E2F3: variants seen among roughly 807,000 people sequenced by gnomAD.
The protein encoded by E2F3 is E2F transcription factor 3.
A neutral mutation model predicts 44.4 loss-of-function variants in E2F3; 11 were observed. That is an observed-to-expected ratio of 0.25 (90% CI 0.16 to 0.41). The LOEUF is 0.41. Among genes scored for constraint, E2F3 ranks in the 10% least tolerant of loss-of-function variants. The pLI is 1.00. For missense variants in E2F3, 487 were observed against 583.6 expected (o/e 0.83, Z 1.70); for synonymous variants, 249 against 253.0 (o/e 0.98, Z 0.15).
intron 1 of E2F3, among the ~76,000 whole-genome samples, chr6:20,444,882 C>G (rs1016173009): frequency 6.6e-6 from 1 of 152,216 alleles, no homozygotes. Context: ...ATGTGGACCT[C>G]TGGGCTTTGC....
intron 1 of E2F3, among the ~76,000 whole-genome samples, chr6:20,411,338 C>CG (rs1257565817): frequency 6.6e-6 from 1 of 152,006 alleles, no homozygotes; most frequent in Non-Finnish European, 1.5e-5. Flanking sequence ...CAAGGCAGGG[C>CG]GGGGGGTTGT....
At chr6:20,486,345 T>A (rs1395578208) in intron 4 of E2F3, among the ~76,000 whole-genome samples, 1 of 152,210 alleles carries the variant, frequency 6.6e-6, no homozygotes, top group African/African-American at 2.4e-5. Flanking sequence ...CGATCTCGTC[T>A]CACTGCAAGC....
intron 1 of E2F3, among the ~76,000 whole-genome samples, chr6:20,444,158 T>C (rs1760863149): frequency 6.6e-6 from 1 of 152,156 alleles, no homozygotes; most frequent in South Asian, 2.1e-4. Context: ...CTCTACACTC[T>C]AGCCTGGGCA....
At chr6:20,427,532 TA>T (rs1760255728) in intron 1 of E2F3, among the ~76,000 whole-genome samples, 2 of 152,102 alleles carry the variant, frequency 1.3e-5, no homozygotes, top group Admixed American at 1.3e-4. Context: ...ATTTGTCAAA[TA>T]AAAGTGATTT....
intron 1 of E2F3, among the ~76,000 whole-genome samples, chr6:20,433,273 A>C (rs1760465846): frequency 6.6e-6 from 1 of 152,200 alleles, no homozygotes; most frequent in Admixed American, 6.5e-5. Context: ...CACAATTGCC[A>C]AGTGCCTGTC....
intron 1 of E2F3, among the ~76,000 whole-genome samples, chr6:20,464,595 G>A (rs969393432): frequency 1.3e-5 from 2 of 152,182 alleles, no homozygotes; most frequent in African/African-American, 4.8e-5. Flanking sequence ...GTCAGCTTCT[G>A]CTCTACGCCC....
intron 1 of E2F3, among the ~76,000 whole-genome samples, chr6:20,404,710 T>C (rs886881545): frequency 6.9e-6 from 1 of 144,284 alleles, no homozygotes; most frequent in Non-Finnish European, 1.6e-5. Context: ...GTAGTCTTAG[T>C]CAAAGAAGCT....
At chr6:20,415,323 C>A (rs1264529786) in intron 1 of E2F3, among the ~76,000 whole-genome samples, 4 of 152,176 alleles carry the variant, frequency 2.6e-5, no homozygotes, top group East Asian at 3.8e-4. Flanking sequence ...ATGGAGGGGA[C>A]AAAGGAGGCT....
intron 1 of E2F3, among the ~76,000 whole-genome samples, chr6:20,465,647 T>C (rs1002377396): frequency 6.6e-6 from 1 of 152,256 alleles, no homozygotes; most frequent in African/African-American, 2.4e-5. Flanking sequence ...GTCATTCTTA[T>C]GCCTTTGCAT....
At chr6:20,411,077 A>G (rs573779662) in intron 1 of E2F3, among the ~76,000 whole-genome samples, 1 of 152,356 alleles carries the variant, frequency 6.6e-6, no homozygotes, top group South Asian at 2.1e-4. Flanking sequence ...TAAGCTGCCC[A>G]TTGACTTGGG....
intron 1 of E2F3, among the ~76,000 whole-genome samples, chr6:20,446,041 T>TG (rs1181623350): frequency 6.6e-6 from 1 of 152,158 alleles, no homozygotes; most frequent in Non-Finnish European, 1.5e-5. Flanking sequence ...TGCACAGCTT[T>TG]GGGGTGTGGG....
intron 1 of E2F3, chr6:20,403,947 G>T (rs1420534479): frequency 6.9e-6 from 4 of 579,002 alleles, no homozygotes; most frequent in Non-Finnish European, 1.2e-5. Context: ...GGAACGGGGG[G>T]TTGGGTGCTC....
intron 1 of E2F3, among the ~76,000 whole-genome samples, chr6:20,436,672 T>G (rs1024003367): frequency 3.9e-5 from 6 of 152,128 alleles, no homozygotes; most frequent in Non-Finnish European, 8.8e-5. Context: ...CCCTCCTCTC[T>G]TAAATGACCA....
intron 2 of E2F3, 117 bp from the exon 3 acceptor site, chr6:20,481,089 C>T (rs1164985626): frequency 1.1e-6 from 1 of 913,486 alleles, no homozygotes; most frequent in East Asian, 2.6e-5. Context: ...AGCCTTGCTT[C>T]AGATACTAAT....
intron 1 of E2F3, among the ~76,000 whole-genome samples, chr6:20,405,108 C>A (rs1200066331): frequency 6.6e-6 from 1 of 152,128 alleles, no homozygotes; most frequent in Admixed American, 6.5e-5. Flanking sequence ...TTTATTATAT[C>A]TAGTTCATTG....
chr6:20,472,147 C>T (rs1379840697), intron 1 of E2F3, among the ~76,000 whole-genome samples: 6 of 89,076 alleles, frequency 6.7e-5, no homozygotes, highest in Non-Finnish European at 1.8e-4. Flanking sequence ...GAATTTATTC[C>T]TTGGTTCATT....
intron 1 of E2F3, among the ~76,000 whole-genome samples, chr6:20,457,906 A>G (rs1052960164): frequency 6.6e-6 from 1 of 152,100 alleles, no homozygotes; most frequent in Non-Finnish European, 1.5e-5. Flanking sequence ...TTTTCATTGA[A>G]TTCAGTATTA....
At chr6:20,467,937 G>T (rs1761767239) in intron 1 of E2F3, among the ~76,000 whole-genome samples, 1 of 150,804 alleles carries the variant, frequency 6.6e-6, no homozygotes, top group Admixed American at 6.6e-5. Context: ...AGGAATCAAA[G>T]GTTTCTCACC....
At chr6:20,425,955 C>T (rs1760202060) in intron 1 of E2F3, among the ~76,000 whole-genome samples, 1 of 152,168 alleles carries the variant, frequency 6.6e-6, no homozygotes, top group Admixed American at 6.5e-5. Flanking sequence ...AAGTTTGAAG[C>T]AGCCTCCCAA....
Sources: gnomAD v4.1 joint callset for allele counts (sites outside exome capture counted in the v4.1 genomes callset) on GRCh38, gnomAD v4.1.1 for gene constraint, MANE v1.5 for transcripts, NCBI Gene and HGNC (gene_info 2026-07-23, HGNC 2026-07-21) for gene names.